ST6GALNAC3: variants seen among roughly 807,000 people sequenced by gnomAD.
ST6GALNAC3 encodes alpha-N-acetylgalactosaminide alpha-2,6-sialyltransferase 3.
ST6GALNAC3 carries 25 observed loss-of-function variants against 32.7 expected under a neutral mutation model. The ratio of observed to expected loss-of-function variants is 0.76; its 90% CI spans 0.56 to 1.07. The LOEUF is 1.07. Among genes scored for constraint, ST6GALNAC3 ranks in the 50% least tolerant of loss-of-function variants. The pLI is 0.00. For synonymous variants in ST6GALNAC3, 129 were observed against 133.1 expected (o/e 0.97, Z 0.21); for missense variants, 355 against 382.4 (o/e 0.93, Z 0.60).
chr1:76,484,188 T>C (rs966119443), intron 3 of ST6GALNAC3, among the ~76,000 whole-genome samples: 3 of 152,220 alleles, frequency 2.0e-5, no homozygotes, highest in African/African-American at 7.2e-5. Context: ...TGGCTTAGGA[T>C]TGACTTGGCA....
At chr1:76,321,137 G>T (rs1428877091) in intron 2 of ST6GALNAC3, among the ~76,000 whole-genome samples, 1 of 152,068 alleles carries the variant, frequency 6.6e-6, no homozygotes, top group Non-Finnish European at 1.5e-5. Context: ...TCAAGTGATT[G>T]GTTGAGGGGT....
intron 2 of ST6GALNAC3, among the ~76,000 whole-genome samples, chr1:76,368,675 G>A (rs1650578496): frequency 6.6e-6 from 1 of 152,148 alleles, no homozygotes; most frequent in South Asian, 2.1e-4. Context: ...CTTAACAAAT[G>A]AAATTACTTA....
chr1:76,441,193 G>A (rs777873294), intron 3 of ST6GALNAC3, among the ~76,000 whole-genome samples: 6 of 151,800 alleles, frequency 4.0e-5, no homozygotes, highest in Non-Finnish European at 1.5e-5. Context: ...AAAAATGTGT[G>A]TAGTTATAAT....
At chr1:76,366,757 C>T (rs548767479) in intron 2 of ST6GALNAC3, among the ~76,000 whole-genome samples, 77 of 152,270 alleles carry the variant, frequency 5.1e-4, no homozygotes, top group Admixed American at 9.8e-4. Flanking sequence ...AAGATGATAG[C>T]ACCAGCTAAA....
rs1570485036 is a variant in ST6GALNAC3 at position 76,627,645 on chromosome 1, G to C, written c.731+86G>C. ...CAATTCATTTTAATACCATAAATCT[G>C]AGAAACAGATAAAGCAACAATTATT... On this transcript the variant is annotated intron_variant, in intron 4 of 4. Coordinates refer to ENST00000328299, the MANE Select transcript of ST6GALNAC3 (RefSeq NM_152996.4). The C allele has an allele frequency of 9.9e-6, 10 of 1,010,738 alleles. No individual in the cohort carries two copies. The East Asian group carries it at 2.4e-4, about 24-fold the overall frequency. 62.6% of individuals were successfully genotyped at this position (1,010,738 alleles called of 1,614,324 possible).
chr1:76,543,313 A>G (rs1570192167), intron 3 of ST6GALNAC3, among the ~76,000 whole-genome samples: 1 of 152,202 alleles, frequency 6.6e-6, no homozygotes, highest in East Asian at 1.9e-4. Flanking sequence ...GTTCAATATA[A>G]CAATCCAAGT....
At chr1:76,560,897 A>C (rs535224998) in intron 3 of ST6GALNAC3, among the ~76,000 whole-genome samples, 1 of 152,348 alleles carries the variant, frequency 6.6e-6, no homozygotes, top group Admixed American at 6.5e-5. Context: ...TGTTTGTTGC[A>C]GCAAGAACTT....
chr1:76,377,664 C>T (rs947862775), intron 2 of ST6GALNAC3, among the ~76,000 whole-genome samples: 1 of 152,096 alleles, frequency 6.6e-6, no homozygotes, highest in African/African-American at 2.4e-5. Flanking sequence ...CATTGAGTAT[C>T]CAGGCCTTGT....
intron 1 of ST6GALNAC3, among the ~76,000 whole-genome samples, chr1:76,307,590 G>A (rs1181972176): frequency 6.6e-6 from 1 of 152,070 alleles, no homozygotes; most frequent in Non-Finnish European, 1.5e-5. Context: ...ATAAATGACA[G>A]CATGTGAACA....
intron 3 of ST6GALNAC3, among the ~76,000 whole-genome samples, chr1:76,501,275 G>A (rs1019200586): frequency 2.2e-4 from 33 of 152,108 alleles, no homozygotes; most frequent in Non-Finnish European, 7.3e-5. Context: ...CCCCTTTCCT[G>A]TCCATTCTCC....
chr1:76,635,893 G>A (rs137871359), downstream of ST6GALNAC3, among the ~76,000 whole-genome samples: 215 of 152,232 alleles, frequency 1.4e-3, 1 homozygote, highest in African/African-American at 4.9e-3. Flanking sequence ...CCTCACTCGC[G>A]TGCCTTGGTA....
chr1:76,630,719 A>G lies in ST6GALNAC3; in HGVS notation c.*1913A>G, dbSNP rs1207439536. ...GCAATTTTGACACCTCAATATTCAC[A>G]CCCATAAACATTACTAAGCCCCAGT... is the stretch of plus-strand genomic sequence containing the variant. On this transcript the variant is annotated 3_prime_UTR_variant, in exon 5 of 5. Coordinates refer to ENST00000328299, the MANE Select transcript of ST6GALNAC3 (RefSeq NM_152996.4). 3 of 985,642 alleles carry G rather than the reference A, an allele frequency of 3.0e-6. No individual in the cohort carries two copies. Among genetic ancestry groups the G allele is most frequent in the Non-Finnish European group, 3.6e-6 (3 of 829,824 alleles). The allele number at this position is 985,642 out of a possible 1,614,324, so 61.1% of individuals were successfully genotyped here.
At chr1:76,419,205 A>G (rs139723809) in intron 3 of ST6GALNAC3, among the ~76,000 whole-genome samples, 68 of 152,268 alleles carry the variant, frequency 4.5e-4, no homozygotes, top group Middle Eastern at 3.4e-3. Context: ...GTGGAAATCA[A>G]GACTTCCAAG....
intron 1 of ST6GALNAC3, among the ~76,000 whole-genome samples, chr1:76,261,523 T>TA (rs1171892025): frequency 6.6e-6 from 1 of 152,238 alleles, no homozygotes; most frequent in African/African-American, 2.4e-5. Flanking sequence ...CCCTACCACT[T>TA]ACCTGCCACG....
chr1:76,349,344 C>T lies in ST6GALNAC3; in HGVS notation c.213+35345C>T, dbSNP rs141805966. ...GAGGAGACCACTCTGGAGGACAGCT[C>T]ATCTTCTAAGTCCTTTTTGCATGCA... On this transcript the variant is annotated intron_variant, in intron 2 of 4. Coordinates refer to ENST00000328299, the MANE Select transcript of ST6GALNAC3 (RefSeq NM_152996.4). Among the ~76,000 whole-genome samples, 244 of 152,246 alleles carry T rather than the reference C, an allele frequency of 1.6e-3. 1 individual carries two copies. The highest frequency in any genetic ancestry group is 5.6e-3 in the African/African-American group (234 of 41,574).
chr1:76,319,771 C>A (rs567222956), intron 2 of ST6GALNAC3, among the ~76,000 whole-genome samples: 2 of 152,186 alleles, frequency 1.3e-5, no homozygotes, highest in Admixed American at 1.3e-4. Flanking sequence ...AAGGAAACAG[C>A]TAAATTAACA....
rs747187940 is a variant in ST6GALNAC3, at chr1:76,628,752, A to G, written c.864A>G (p.Lys288=). 5.0e-6 allele frequency: 8 copies of G among 1,612,362 alleles called. No homozygotes were observed. In the South Asian group the frequency reaches 7.7e-5, roughly 16 times the overall value. Residue 288 remains lysine (K), a synonymous_variant, in exon 5 of 5, where the codon AAA becomes AAG. Transcript: ENST00000328299. Reference sequence around the variant, plus strand: ...TCACTGAAAAGAAAGTGTTTGCTAAATGGGCCAAGAAGCACAGGATAATAT... The same window carrying G: ...TCACTGAAAAGAAAGTGTTTGCTAAGTGGGCCAAGAAGCACAGGATAATAT... The part of the protein sequence containing the change: ...RFITEKKVFA[K]WAKKHRIIFT...
At chr1:76,579,821 A>T (rs972771750) in intron 3 of ST6GALNAC3, among the ~76,000 whole-genome samples, 5 of 152,020 alleles carry the variant, frequency 3.3e-5, no homozygotes, top group African/African-American at 1.2e-4. Context: ...TTCTTTTGAT[A>T]AGACATTTAC....
intron 1 of ST6GALNAC3, among the ~76,000 whole-genome samples, chr1:76,101,929 T>C (rs750298024): frequency 8.5e-5 from 13 of 152,196 alleles, no homozygotes; most frequent in Non-Finnish European, 1.6e-4. Flanking sequence ...GTGTTTGCTA[T>C]GTGCTTGAAA....
Sources: allele counts gnomAD v4.1 joint callset (sites outside exome capture counted in the v4.1 genomes callset), GRCh38; gene constraint gnomAD v4.1.1; transcripts MANE v1.5; gene names NCBI Gene and HGNC (gene_info 2026-07-23, HGNC 2026-07-21).